The following PEPD variants were observed in gnomAD, a reference collection of about 807,000 sequenced individuals.
The protein encoded by PEPD is xaa-Pro dipeptidase.
PEPD carries 53 observed loss-of-function variants against 60.7 expected under a neutral mutation model. That is an observed-to-expected ratio of 0.87 (90% CI 0.70 to 1.10). The LOEUF is 1.10. Ranked by LOEUF, PEPD falls within the 50% of genes least tolerant of loss-of-function variation. PEPD has a pLI of 0.00. For missense variants in PEPD, 711 were observed against 711.9 expected (o/e 1.00, Z 0.01); for synonymous variants, 267 against 284.1 (o/e 0.94, Z 0.60).
intron 4 of PEPD, among the ~76,000 whole-genome samples, chr19:33,499,340 T>G (rs1600165402): frequency 6.6e-6 from 1 of 152,156 alleles, no homozygotes; most frequent in Non-Finnish European, 1.5e-5. Flanking sequence ...CCTGTAGAGG[T>G]GGGCAGTGCC....
intron 3 of PEPD, among the ~76,000 whole-genome samples, chr19:33,503,493 G>A (rs1330306734): frequency 6.6e-6 from 1 of 152,136 alleles, no homozygotes; most frequent in African/African-American, 2.4e-5. Context: ...AATTGATGAC[G>A]AGCGCCTCGC....
intron 7 of PEPD, among the ~76,000 whole-genome samples, chr19:33,472,053 C>T (rs540613174): frequency 6.6e-6 from 1 of 151,834 alleles, no homozygotes; most frequent in Admixed American, 6.6e-5. Context: ...CCCAGCTACT[C>T]GGGAGGCTGA....
intron 6 of PEPD, among the ~76,000 whole-genome samples, chr19:33,479,609 G>A (rs12461525): frequency 2.6e-5 from 4 of 151,786 alleles, no homozygotes; most frequent in Admixed American, 6.6e-5. Context: ...GTGTGTTGTC[G>A]CCCTCTATGT....
chr19:33,450,200 G>A (rs1969670667), intron 9 of PEPD, among the ~76,000 whole-genome samples: 1 of 152,212 alleles, frequency 6.6e-6, no homozygotes, highest in Non-Finnish European at 1.5e-5. Context: ...CCCCCGTGCT[G>A]CCTACTGGCT....
intron 3 of PEPD, among the ~76,000 whole-genome samples, chr19:33,510,642 T>A (rs544428678): frequency 6.6e-6 from 1 of 152,240 alleles, no homozygotes; most frequent in East Asian, 1.9e-4. Context: ...GAGGCAAGGG[T>A]AAGAAGGCCT....
intron 7 of PEPD, among the ~76,000 whole-genome samples, chr19:33,469,349 C>T (rs1401239914): frequency 1.3e-5 from 2 of 152,180 alleles, no homozygotes; most frequent in African/African-American, 2.4e-5. Context: ...GTCACCTCAG[C>T]GAGGCCCCAG....
intron 9 of PEPD, among the ~76,000 whole-genome samples, chr19:33,414,708 C>G (rs1221373320): frequency 1.3e-5 from 2 of 151,878 alleles, no homozygotes; most frequent in African/African-American, 4.8e-5. Flanking sequence ...GTTTCATCTT[C>G]TAGGCACTGT....
At chr19:33,443,835 G>A (rs571362421) in intron 9 of PEPD, among the ~76,000 whole-genome samples, 2 of 152,332 alleles carry the variant, frequency 1.3e-5, no homozygotes, top group South Asian at 4.1e-4. Context: ...GGTGAGAAGA[G>A]TGTGTAATGG....
At chr19:33,515,733 C>T (rs2145360672) in intron 1 of PEPD, among the ~76,000 whole-genome samples, 1 of 152,030 alleles carries the variant, frequency 6.6e-6, no homozygotes, top group Admixed American at 6.6e-5. Context: ...TGCCCATCCT[C>T]AGCCACCAGC....
At chr19:33,400,186 G>A (rs1448176987) in intron 12 of PEPD, among the ~76,000 whole-genome samples, 1 of 152,216 alleles carries the variant, frequency 6.6e-6, no homozygotes, top group East Asian at 1.9e-4. Flanking sequence ...GCGAGGGTGG[G>A]GGCAAGCTGG....
chr19:33,447,706 T>TC (rs1306332349), intron 9 of PEPD, among the ~76,000 whole-genome samples: 1 of 152,120 alleles, frequency 6.6e-6, no homozygotes, highest in Non-Finnish European at 1.5e-5. Context: ...TCCCTCCTGC[T>TC]CAGCCACCCC....
chr19:33,400,508 G>A (rs1027167981), intron 12 of PEPD, among the ~76,000 whole-genome samples: 10 of 152,210 alleles, frequency 6.6e-5, no homozygotes, highest in South Asian at 2.1e-4. Context: ...TGCCTGGGCC[G>A]GTGTGGGCAG....
At position 33,391,439 on chromosome 19, in the gene PEPD, G is replaced by C. The variant is rs1482765731; in HGVS notation, c.1008C>G (p.Ile336Met). 10 of 1,559,680 alleles carry C rather than the reference G, an allele frequency of 6.4e-6. No homozygotes were observed. The highest frequency in any genetic ancestry group is 8.7e-6 in the Non-Finnish European group (10 of 1,152,034). Residue 336 changes from isoleucine to methionine, a missense_variant, in exon 13 of 15, where the codon ATC becomes ATG. Coordinates refer to ENST00000244137, the MANE Select transcript of PEPD (RefSeq NM_000285.4). Reference sequence around the variant, plus strand: ...CCATGTGGGCCAGCTCCTCCAGGTGGATGCGGTCAGCCAGGCGGTGCATGT... The same window carrying C: ...CCATGTGGGCCAGCTCCTCCAGGTGCATGCGGTCAGCCAGGCGGTGCATGT... ...WPDMHRLADR[I>M]HLEELAHMGI... is the part of the protein sequence containing the mutation.
intron 8 of PEPD, 41 bp downstream of exon 8, chr19:33,463,946 C>CA (rs1969974332): frequency 1.5e-6 from 2 of 1,370,768 alleles, no homozygotes; most frequent in African/African-American, 1.4e-5. Context: ...CACACAGCAA[C>CA]ACTGCTTTCC....
In PEPD at chr19:33,411,712, C is replaced by T. The variant is rs763716318; in HGVS notation, c.778G>A (p.Gly260Arg). Reference sequence around the variant, plus strand: ...TGGATCGTTCGGTCGTTGGGAGCTCCGGCGTGTCCGTAGTGTAGCACGGCT... The same window carrying T: ...TGGATCGTTCGGTCGTTGGGAGCTCTGGCGTGTCCGTAGTGTAGCACGGCT... ...NSAVLHYGHA[G>R]APNDRTIQNG... The change falls in exon 11 of 15, where the codon GGA (glycine) becomes AGA (arginine). Residue 260 changes from glycine to arginine, a missense_variant. By Grantham distance (125) the Gly-to-Arg change is moderately radical. Transcript: ENST00000244137. 20 of 1,610,974 alleles carry T rather than the reference C, an allele frequency of 1.2e-5. No homozygotes were observed. Among genetic ancestry groups the T allele is most frequent in the African/African-American group, 1.1e-4 (8 of 74,872 alleles).
chr19:33,514,649 A>T (rs1004085676), intron 1 of PEPD, among the ~76,000 whole-genome samples: 1 of 151,792 alleles, frequency 6.6e-6, no homozygotes, highest in Non-Finnish European at 1.5e-5. Flanking sequence ...CGACAGGCAC[A>T]TGAGGCTGGG....
At chr19:33,411,278 A>T (rs919973004) in intron 11 of PEPD, among the ~76,000 whole-genome samples, 2 of 152,156 alleles carry the variant, frequency 1.3e-5, no homozygotes, top group African/African-American at 4.8e-5. Context: ...CGGTCTTCCC[A>T]GCTCCAGACC....
intron 9 of PEPD, among the ~76,000 whole-genome samples, chr19:33,458,508 G>A (rs532785647): frequency 1.6e-3 from 246 of 149,746 alleles, no homozygotes; most frequent in African/African-American, 5.6e-3. Flanking sequence ...TATGTGTGGC[G>A]TACATGGCGC....
chr19:33,474,912 C>T (rs1433308694), intron 7 of PEPD, among the ~76,000 whole-genome samples: 2 of 149,356 alleles, frequency 1.3e-5, no homozygotes, highest in African/African-American at 5.0e-5. Flanking sequence ...CCCAGGAGGT[C>T]AAGGCTGCAG....
Sources: gnomAD v4.1 joint callset for allele counts (sites outside exome capture counted in the v4.1 genomes callset) on GRCh38, gnomAD v4.1.1 for gene constraint, MANE v1.5 for transcripts, NCBI Gene and HGNC (gene_info 2026-07-23, HGNC 2026-07-21) for gene names.